The following LYN variants were observed in gnomAD, a reference collection of about 807,000 sequenced individuals.
LYN encodes LYN proto-oncogene, Src family tyrosine kinase, also known as tyrosine-protein kinase Lyn.
A neutral mutation model predicts 65.0 loss-of-function variants in LYN; 12 were observed. The observed-to-expected ratio is 0.18, with a 90% CI of 0.12 to 0.30. LYN has a LOEUF of 0.30. LYN is among the 10% of genes least tolerant of loss of function. LYN has a pLI of 1.00. For synonymous variants in LYN, 222 were observed against 221.2 expected (o/e 1.00, Z -0.03); for missense variants, 380 against 623.2 (o/e 0.61, Z 4.16).
At chr8:55,976,344 A>AAAGAAG (rs1807751871) in intron 10 of LYN, among the ~76,000 whole-genome samples, 1 of 147,710 alleles carries the variant, frequency 6.8e-6, no homozygotes. Flanking sequence ...AAAAAAAAAA[A>AAAGAAG]GAAGGAAGGA....
chr8:55,947,730 G>A lies in LYN; in HGVS notation c.284+7G>A. On this transcript the variant is annotated splice_region_variant and intron_variant, in intron 4 of 12. Coordinates refer to ENST00000519728, the MANE Select transcript of LYN (RefSeq NM_002350.4). ...AGATGAAAGTCCTGGAGGAGTAAGT[G>A]CTCTCAAGCACGCCACGGCTGCTCG... 3 of 1,597,216 alleles carry A rather than the reference G, an allele frequency of 1.9e-6. No individual in the cohort carries two copies. The highest frequency in any genetic ancestry group is 2.6e-6 in the Non-Finnish European group (3 of 1,164,842).
chr8:55,915,510 G>A (rs933173943), intron 1 of LYN, among the ~76,000 whole-genome samples: 3 of 152,086 alleles, frequency 2.0e-5, no homozygotes, highest in African/African-American at 4.8e-5. Context: ...TTTGAGACCA[G>A]CCTGGTCAAC....
intron 1 of LYN, among the ~76,000 whole-genome samples, chr8:55,886,652 G>T (rs1234457549): frequency 6.6e-6 from 1 of 152,200 alleles, no homozygotes. Flanking sequence ...ATACAATCTG[G>T]TGGAACAGCC....
At chr8:55,959,358 C>T (rs1024866012) in intron 8 of LYN, among the ~76,000 whole-genome samples, 10 of 152,236 alleles carry the variant, frequency 6.6e-5, no homozygotes, top group African/African-American at 9.6e-5. Context: ...TTACTAATAA[C>T]GTTTTAAATG....
In LYN at chr8:55,909,026, CA is replaced by C. The variant is rs1563504854; in HGVS notation, c.-6+28924del. On this transcript the variant is annotated intron_variant, in intron 1 of 12. Coordinates refer to ENST00000519728, the MANE Select transcript of LYN (RefSeq NM_002350.4). ...ATATATATATACACACACACACACACACACACACACACACACACACACACAC... is the reference window on the plus strand; with the variant it reads ...ATATATATATACACACACACACACACCACACACACACACACACACACACAC... 5.4e-3 allele frequency among the ~76,000 whole-genome samples: 392 copies of C among 73,208 alleles called. 69 individuals carry two copies. The highest frequency in any genetic ancestry group is 0.03 in the Middle Eastern group (4 of 134). The allele number at this position is 73,208 out of a possible 152,430, so 48.0% of individuals were successfully genotyped here.
At position 56,013,662 on chromosome 8, in the gene LYN, C is replaced by T. The variant is rs1395983543; in HGVS notation, c.*3552C>T. ...GGACTCAATTCTGCAACCTCAGCTT[C>T]TGACACCTTCAAATAAATTAAATGC... On this transcript the variant is annotated 3_prime_UTR_variant, in exon 13 of 13. Transcript: ENST00000519728. 6.6e-6 allele frequency: 1 copy of T among 152,248 alleles called. No homozygotes were observed. The highest frequency in any genetic ancestry group is 1.5e-5 in the Non-Finnish European group (1 of 68,096). 9.4% of individuals were successfully genotyped at this position (152,248 alleles called of 1,614,324 possible). A position where few individuals can be genotyped will look rare whatever the true frequency, so the allele number is the denominator to read the frequency against.
chr8:55,923,044 G>T (rs907559876), intron 1 of LYN, among the ~76,000 whole-genome samples: 1 of 152,184 alleles, frequency 6.6e-6, no homozygotes, highest in Non-Finnish European at 1.5e-5. Flanking sequence ...TTGAGGGAGG[G>T]TGGACCTAAT....
chr8:55,894,344 T>C (rs994794101), intron 1 of LYN, among the ~76,000 whole-genome samples: 4 of 149,050 alleles, frequency 2.7e-5, no homozygotes, highest in Non-Finnish European at 5.9e-5. Context: ...GGACTAGAGG[T>C]GCATGCCACT....
At chr8:55,958,559 C>T (rs1807184811) in intron 8 of LYN, among the ~76,000 whole-genome samples, 1 of 152,178 alleles carries the variant, frequency 6.6e-6, no homozygotes, top group Non-Finnish European at 1.5e-5. Context: ...GTTATGCAAC[C>T]AATCTCCAGA....
At chr8:55,944,400 A>T (rs73606887) in intron 2 of LYN, among the ~76,000 whole-genome samples, 1,638 of 152,314 alleles carry the variant, frequency 0.011, 26 homozygotes, top group African/African-American at 0.037. Context: ...AGTTCTCAAA[A>T]AAAGATCTGA....
intron 10 of LYN, among the ~76,000 whole-genome samples, chr8:55,972,775 G>C (rs947688855): frequency 2.0e-5 from 3 of 152,142 alleles, no homozygotes; most frequent in African/African-American, 7.2e-5. Context: ...CAGATACTTC[G>C]ATAATCCAAC....
chr8:56,000,726 TCAA>T (rs1166178210), intron 12 of LYN, among the ~76,000 whole-genome samples: 1 of 41,598 alleles, frequency 2.4e-5, no homozygotes, highest in African/African-American at 1.1e-4. Context: ...AGACTCTGTC[TCAA>T]AAAAAAAAAA....
intron 1 of LYN, among the ~76,000 whole-genome samples, chr8:55,906,790 C>T (rs1424393962): frequency 2.0e-5 from 3 of 151,816 alleles, no homozygotes; most frequent in Non-Finnish European, 4.4e-5. Context: ...AGTTGAACAA[C>T]AGTTGAGCTG....
intron 7 of LYN, 43 bp downstream of exon 7, chr8:55,952,158 T>A (rs1806968873): frequency 6.7e-7 from 1 of 1,502,722 alleles, no homozygotes; most frequent in Admixed American, 2.3e-5. Flanking sequence ...ATATATTTGT[T>A]ATGATATGTA....
In LYN at chr8:55,927,547, G is replaced by C. The variant is rs139513631; in HGVS notation, c.-5-14308G>C. On this transcript the variant is annotated intron_variant, in intron 1 of 12. Coordinates refer to ENST00000519728, the MANE Select transcript of LYN (RefSeq NM_002350.4). ...CCAAGTTTTGTCAATTAGGAATAAA[G>C]CTGCTGGCCAGGTGCGGTGGTTCAC... Among the ~76,000 whole-genome samples, 386 of 152,240 alleles carry C rather than the reference G, an allele frequency of 2.5e-3. 1 individual carries two copies. Among genetic ancestry groups the C allele is most frequent in the African/African-American group, 8.6e-3 (357 of 41,548 alleles).
chr8:55,953,999 C>T lies in LYN; in HGVS notation c.790+15C>T, dbSNP rs369302839. ...AGTCTGGATGGGTAAGTGTGCGGCT[C>T]GGGGATCTATGTCCTTCTAGAGATG... On this transcript the variant is annotated intron_variant, in intron 8 of 12. Transcript: ENST00000519728. 9.1e-5 allele frequency: 147 copies of T among 1,612,840 alleles called. 1 individual carries two copies. Among genetic ancestry groups the T allele is most frequent in the African/African-American group, 4.5e-4 (34 of 74,958 alleles).
At chr8:55,904,288 A>G (rs902704332) in intron 1 of LYN, among the ~76,000 whole-genome samples, 12 of 152,224 alleles carry the variant, frequency 7.9e-5, no homozygotes, top group African/African-American at 2.9e-4. Flanking sequence ...AAGTAACTCA[A>G]TTATTTGGCT....
chr8:55,984,823 G>A (rs79163926), intron 10 of LYN, among the ~76,000 whole-genome samples: 4,398 of 152,352 alleles, frequency 0.029, 243 homozygotes, highest in African/African-American at 0.1. Flanking sequence ...CCTGCAGTGT[G>A]TGTCAGTCAT....
At chr8:55,939,849 A>G (rs534376236) in intron 1 of LYN, among the ~76,000 whole-genome samples, 8 of 152,216 alleles carry the variant, frequency 5.3e-5, no homozygotes, top group Non-Finnish European at 7.3e-5. Context: ...CTCTAAACCC[A>G]TGGCCATTTC....
Sources: gnomAD v4.1 joint callset for allele counts (sites outside exome capture counted in the v4.1 genomes callset) on GRCh38, gnomAD v4.1.1 for gene constraint, MANE v1.5 for transcripts, NCBI Gene and HGNC (gene_info 2026-07-23, HGNC 2026-07-21) for gene names.